DNAAF11: variants seen among roughly 807,000 people sequenced by gnomAD.
DNAAF11 encodes the protein dynein axonemal assembly factor 11.
DNAAF11 carries 45 observed loss-of-function variants against 60.8 expected under a neutral mutation model. The observed-to-expected ratio is 0.74, with a 90% CI of 0.58 to 0.95. The LOEUF (loss-of-function observed/expected upper bound fraction) is 0.95, where lower values mean the gene tolerates loss of function less well. Among genes scored for constraint, DNAAF11 ranks in the 40% least tolerant of loss-of-function variants. DNAAF11 has a pLI of 0.00. For synonymous variants in DNAAF11, 191 were observed against 183.5 expected, an observed-to-expected ratio of 1.04 and a Z score of -0.33; for missense variants, 546 against 546.2, an observed-to-expected ratio of 1.00 and a Z score of 0.00.
chr8:132,695,821 G>C, the DNAAF11 span, among the ~76,000 whole-genome samples: 1 of 152,190 alleles, frequency 6.6e-6, no homozygotes. Context: ...ACCAGAATTA[G>C]AGTTTAACCC....
intron 10 of DNAAF11, among the ~76,000 whole-genome samples, chr8:132,598,034 G>A (rs1167682902): frequency 6.6e-6 from 1 of 152,108 alleles, no homozygotes; most frequent in Non-Finnish European, 1.5e-5. Context: ...AAATTATGAG[G>A]CATTGTTTGT....
chr8:132,572,815 C>G (rs1814347831), intron 11 of DNAAF11, among the ~76,000 whole-genome samples: 1 of 152,172 alleles, frequency 6.6e-6, no homozygotes, highest in Non-Finnish European at 1.5e-5. Flanking sequence ...CAACGCCCTA[C>G]AGCCAAGATC....
At chr8:132,637,213 A>G (rs1821392570) in intron 4 of DNAAF11, among the ~76,000 whole-genome samples, 1 of 152,168 alleles carries the variant, frequency 6.6e-6, no homozygotes, top group African/African-American at 2.4e-5. Context: ...AGAAATGTGA[A>G]ATCTCAGGCC....
At chr8:132,651,575 G>A (rs768603528) in intron 3 of DNAAF11, among the ~76,000 whole-genome samples, 1 of 152,148 alleles carries the variant, frequency 6.6e-6, no homozygotes, top group Non-Finnish European at 1.5e-5. Flanking sequence ...CAGGTAAAAG[G>A]CAGGAGGGGG....
intron 10 of DNAAF11, among the ~76,000 whole-genome samples, chr8:132,594,514 T>A (rs1464930258): frequency 1.3e-5 from 2 of 152,144 alleles, no homozygotes; most frequent in Non-Finnish European, 2.9e-5. Context: ...TGACTCTGTG[T>A]CCCCACCCAA....
intron 1 of DNAAF11, among the ~76,000 whole-genome samples, chr8:132,664,246 G>A (rs1824407880): frequency 2.0e-5 from 3 of 152,184 alleles, no homozygotes; most frequent in Admixed American, 2.0e-4. Context: ...AATGTGTTCA[G>A]GGGACTTCTG....
chr8:132,638,606 C>T (rs781085730), intron 3 of DNAAF11, among the ~76,000 whole-genome samples: 3 of 151,978 alleles, frequency 2.0e-5, no homozygotes, highest in Non-Finnish European at 4.4e-5. Context: ...CGCATCCAAA[C>T]CAATATTTGC....
chr8:132,653,394 G>A (rs893271630), intron 3 of DNAAF11, among the ~76,000 whole-genome samples: 2 of 152,068 alleles, frequency 1.3e-5, no homozygotes, highest in Non-Finnish European at 2.9e-5. Context: ...AGTAAAGAGT[G>A]TTTTTTAGGC....
chr8:132,587,875 A>G (rs1816064306), intron 10 of DNAAF11, among the ~76,000 whole-genome samples: 1 of 152,202 alleles, frequency 6.6e-6, no homozygotes, highest in Admixed American at 6.5e-5. Context: ...TTTTCTACAG[A>G]ATACAAAAGT....
At chr8:132,632,210 A>G (rs993865015) in intron 5 of DNAAF11, among the ~76,000 whole-genome samples, 2 of 152,174 alleles carry the variant, frequency 1.3e-5, no homozygotes, top group Non-Finnish European at 2.9e-5. Flanking sequence ...CTTTCACTGT[A>G]TGGAATCAAA....
chr8:132,581,441 G>C (rs558238012), intron 11 of DNAAF11, among the ~76,000 whole-genome samples: 1 of 152,060 alleles, frequency 6.6e-6, no homozygotes, highest in Non-Finnish European at 1.5e-5. Context: ...CAGGAGGTCA[G>C]GAATTTGAGA....
intron 3 of DNAAF11, among the ~76,000 whole-genome samples, chr8:132,638,841 T>C (rs1326619686): frequency 1.3e-5 from 2 of 152,196 alleles, no homozygotes; most frequent in Non-Finnish European, 2.9e-5. Context: ...TTTGAATTAA[T>C]CCCCTCATTC....
chr8:132,661,334 G>A, intron 2 of DNAAF11, 126 bp downstream of exon 2: 1 of 742,596 alleles, frequency 1.3e-6, no homozygotes. Context: ...ACTGAGAGAT[G>A]GCTGTGTCTG....
intron 7 of DNAAF11, among the ~76,000 whole-genome samples, chr8:132,621,009 C>T (rs1210469743): frequency 6.6e-6 from 1 of 151,994 alleles, no homozygotes; most frequent in Non-Finnish European, 1.5e-5. Flanking sequence ...GAGAGAGACA[C>T]GGGTGTGGGT....
intron 1 of DNAAF11, among the ~76,000 whole-genome samples, chr8:132,673,259 T>G (rs1825362688): frequency 6.6e-6 from 1 of 152,120 alleles, no homozygotes. Context: ...TCTCTGTGCC[T>G]CACCAAAGAA....
At chr8:132,632,212 G>A (rs533845779) in intron 5 of DNAAF11, among the ~76,000 whole-genome samples, 1 of 151,526 alleles carries the variant, frequency 6.6e-6, no homozygotes, top group African/African-American at 2.4e-5. Flanking sequence ...TTCACTGTAT[G>A]GAATCAAATC....
chr8:132,689,547 ACT>A, the DNAAF11 span, among the ~76,000 whole-genome samples: 3 of 151,824 alleles, frequency 2.0e-5, no homozygotes, highest in South Asian at 2.1e-4. Flanking sequence ...TATCTTCCAC[ACT>A]CTTTTTATTG....
chr8:132,686,435 T>C, the DNAAF11 span, among the ~76,000 whole-genome samples: 2 of 152,140 alleles, frequency 1.3e-5, no homozygotes, highest in Non-Finnish European at 2.9e-5. Context: ...TTAGAGATGA[T>C]TTGTTCTCAT....
intron 10 of DNAAF11, 102 bp from the exon 11 acceptor site, chr8:132,583,881 T>C: frequency 2.5e-6 from 2 of 799,192 alleles, no homozygotes; most frequent in East Asian, 5.4e-5. Context: ...ACATTTTAAT[T>C]TTTTCTCTAC....
Sources: gnomAD v4.1 joint callset for allele counts (sites outside exome capture counted in the v4.1 genomes callset) on GRCh38, gnomAD v4.1.1 for gene constraint, MANE v1.5 for transcripts, NCBI Gene and HGNC (gene_info 2026-07-23, HGNC 2026-07-21) for gene names.